CBFB: variants seen among roughly 807,000 people sequenced by gnomAD.
CBFB encodes core-binding factor subunit beta, also known as CBF-beta.
CBFB carries 9 observed loss-of-function variants against 30.4 expected under a neutral mutation model. The observed-to-expected ratio is 0.30, with a 90% CI of 0.18 to 0.52. CBFB has a LOEUF of 0.52. CBFB is among the 20% of genes least tolerant of loss of function. The probability of loss-of-function intolerance (pLI) is 0.97; values close to 1 mark genes in which losing one functional copy is unlikely to be tolerated. For synonymous variants in CBFB, 94 were observed against 84.0 expected, an observed-to-expected ratio of 1.12 and a Z score of -0.65; for missense variants, 170 against 244.0, an observed-to-expected ratio of 0.70 and a Z score of 2.02.
At chr16:67,038,206 G>A (rs1464536590) in intron 3 of CBFB, among the ~76,000 whole-genome samples, 3 of 151,514 alleles carry the variant, frequency 2.0e-5, no homozygotes, top group African/African-American at 7.3e-5. Flanking sequence ...ATCATGAATA[G>A]CATAACCTGC....
Position 67,041,750 on chromosome 16 carries a change from T to C in CBFB, c.282+4995T>C, listed in dbSNP as rs146573561. Among the ~76,000 whole-genome samples the C allele has an allele frequency of 1.1e-4, 17 of 151,108 alleles. No homozygotes were observed. In the East Asian group the frequency reaches 1.2e-3, roughly 10 times the overall value. The stretch of plus-strand genomic sequence containing the variant: ...GTGAGGTTGTGGTGGGAGCTTGTTA[T>C]TGCAGCTTGTTTCTTTACTTTTTTT... On this transcript the variant is annotated intron_variant, in intron 3 of 5. Coordinates refer to ENST00000412916, the MANE Select transcript of CBFB (RefSeq NM_022845.3).
intron 5 of CBFB, among the ~76,000 whole-genome samples, chr16:67,083,046 G>A (rs1961613591): frequency 6.6e-6 from 1 of 152,132 alleles, no homozygotes; most frequent in African/African-American, 2.4e-5. Context: ...GGGTTTGGTG[G>A]CACATGCCTG....
chr16:67,076,305 G>A (rs1385614174), intron 4 of CBFB, among the ~76,000 whole-genome samples: 1 of 152,054 alleles, frequency 6.6e-6, no homozygotes, highest in Non-Finnish European at 1.5e-5. Flanking sequence ...GAGGTAGGTC[G>A]ATCACTTGAG....
intron 4 of CBFB, among the ~76,000 whole-genome samples, chr16:67,081,256 A>G (rs1332878966): frequency 6.6e-6 from 1 of 151,256 alleles, no homozygotes; most frequent in Non-Finnish European, 1.5e-5. Context: ...GCGATAGTTT[A>G]CTGAGAATGA....
chr16:67,096,700 C>A (rs1229077319), intron 5 of CBFB, among the ~76,000 whole-genome samples: 3 of 151,896 alleles, frequency 2.0e-5, no homozygotes, highest in African/African-American at 2.4e-5. Context: ...CTGGGCCGGG[C>A]GCGGTGGCTC....
intron 3 of CBFB, among the ~76,000 whole-genome samples, chr16:67,043,292 A>G (rs1296285387): frequency 6.6e-6 from 1 of 152,208 alleles, no homozygotes; most frequent in African/African-American, 2.4e-5. Flanking sequence ...ATAGAGCGGA[A>G]ACAAAAAGCT....
chr16:67,034,773 G>A (rs951217727), intron 2 of CBFB, among the ~76,000 whole-genome samples: 6 of 152,158 alleles, frequency 3.9e-5, no homozygotes, highest in African/African-American at 1.2e-4. Flanking sequence ...ATTTTGACAC[G>A]GGGCAGTCGT....
At chr16:67,098,006 A>G (rs1158544882) in intron 5 of CBFB, among the ~76,000 whole-genome samples, 4 of 152,234 alleles carry the variant, frequency 2.6e-5, no homozygotes, top group African/African-American at 2.4e-5. Flanking sequence ...TACTCAATAA[A>G]TGTCAGCTAT....
chr16:67,041,183 C>T (rs1188250076), intron 3 of CBFB, among the ~76,000 whole-genome samples: 1 of 152,146 alleles, frequency 6.6e-6, no homozygotes. Context: ...TCAAGTTATG[C>T]TCTTGGTCAG....
At chr16:67,029,532 T>C in intron 1 of CBFB, 47 bp downstream of exon 1, 1 of 1,539,242 alleles carries the variant, frequency 6.5e-7, no homozygotes, top group South Asian at 1.2e-5. Flanking sequence ...GCGCCCCGAG[T>C]GGGCCCGGGC....
intron 3 of CBFB, among the ~76,000 whole-genome samples, chr16:67,052,331 A>T (rs1388316350): frequency 6.6e-6 from 1 of 152,194 alleles, no homozygotes; most frequent in Non-Finnish European, 1.5e-5. Flanking sequence ...GCACTTTGGG[A>T]GGCCAAGGTG....
intron 3 of CBFB, among the ~76,000 whole-genome samples, chr16:67,057,457 T>G (rs190493281): frequency 4.6e-5 from 7 of 152,318 alleles, no homozygotes; most frequent in Admixed American, 6.5e-5. Flanking sequence ...TTTAGGCTAA[T>G]TCACAGACGT....
At chr16:67,076,380 T>A (rs1349642609) in intron 4 of CBFB, among the ~76,000 whole-genome samples, 1 of 152,046 alleles carries the variant, frequency 6.6e-6, no homozygotes, top group Non-Finnish European at 1.5e-5. Context: ...GGCAACAGAC[T>A]GCCTCAAAAA....
chr16:67,058,811 T>C (rs1022608701), intron 3 of CBFB, among the ~76,000 whole-genome samples: 1 of 152,222 alleles, frequency 6.6e-6, no homozygotes, highest in Non-Finnish European at 1.5e-5. Flanking sequence ...GAGCCACCAG[T>C]GTTTAAGCTC....
At chr16:67,074,196 A>G (rs556477582) in intron 4 of CBFB, among the ~76,000 whole-genome samples, 22 of 150,966 alleles carry the variant, frequency 1.5e-4, no homozygotes, top group Admixed American at 1.3e-3. Context: ...TCTATATACC[A>G]GCAATAAACA....
At position 67,064,833 on chromosome 16, in the gene CBFB, TTTTTA is replaced by T. The variant is rs1306327511; in HGVS notation, c.283-1846_283-1842del. Among the ~76,000 whole-genome samples the T allele has an allele frequency of 2.5e-3, 374 of 152,284 alleles. 2 individuals are homozygous for T. The highest frequency in any genetic ancestry group is 8.6e-3 in the African/African-American group (359 of 41,564). ...ATGGGTTTTTGTTTTTTGTTGTTGT[TTTTTA>T]TTGTTGTTGTTTCAGAAGAAAAGTT... On this transcript the variant is annotated intron_variant, in intron 3 of 5. Transcript: ENST00000412916.
chr16:67,034,226 G>C (rs1048434136), intron 2 of CBFB, among the ~76,000 whole-genome samples: 3 of 152,184 alleles, frequency 2.0e-5, no homozygotes, highest in Non-Finnish European at 4.4e-5. Context: ...TGGTTACTCT[G>C]TGGTGAGAAG....
intron 5 of CBFB, chr16:67,093,368 G>GTTTTTTT (rs398042202): frequency 2.1e-5 from 2 of 96,800 alleles, no homozygotes; most frequent in Non-Finnish European, 4.1e-5. Flanking sequence ...TTTTCAGCAG[G>GTTTTTTT]TTTTTTTTTT....
At chr16:67,062,369 A>ACTT in intron 3 of CBFB, among the ~76,000 whole-genome samples, 1 of 151,302 alleles carries the variant, frequency 6.6e-6, no homozygotes, top group Non-Finnish European at 1.5e-5. Flanking sequence ...GGGTTTTGCC[A>ACTT]TGTTGGCCGG....
Sources: gnomAD v4.1 joint callset for allele counts (sites outside exome capture counted in the v4.1 genomes callset) on GRCh38, gnomAD v4.1.1 for gene constraint, MANE v1.5 for transcripts, NCBI Gene and HGNC (gene_info 2026-07-23, HGNC 2026-07-21) for gene names.